The following ANO8 variants were observed in gnomAD, a reference collection of about 807,000 sequenced individuals.
ANO8 encodes the protein anoctamin 8.
ANO8 carries 67 observed loss-of-function variants against 120.4 expected under a neutral mutation model. The ratio of observed to expected loss-of-function variants is 0.56; its 90% confidence interval spans 0.46 to 0.68. The LOEUF (loss-of-function observed/expected upper bound fraction) is 0.68, where lower values mean the gene tolerates loss of function less well. Among genes scored for constraint, ANO8 ranks in the 30% least tolerant of loss-of-function variants. The probability of loss-of-function intolerance (pLI) is 0.00; values close to 1 mark genes in which losing one functional copy is unlikely to be tolerated. For synonymous variants in ANO8, 727 were observed against 759.2 expected, an observed-to-expected ratio of 0.96 and a Z score of 0.70; for missense variants, 1,526 against 1,737.6, an observed-to-expected ratio of 0.88 and a Z score of 2.16.
intron 12 of ANO8, chr19:17,329,286 T>G: frequency 2.7e-6 from 1 of 373,766 alleles, no homozygotes; most frequent in Non-Finnish European, 4.8e-6. Flanking sequence ...CTGCACCTGC[T>G]TGCTGGCCGC....
At position 17,325,047 on chromosome 19, in the gene ANO8, C is replaced by T. The variant is rs1433566828; in HGVS notation, c.3001G>A (p.Gly1001Arg). Residue 1001 changes from glycine to arginine, a missense_variant, in exon 17 of 18, where the codon GGG becomes AGG. Around this residue, in one of 8 missense-constraint regions of ANO8, gnomAD observed 489 missense variants for 548.6 expected, o/e 0.89. Transcript: ENST00000159087. ...SGATSSLAAA[G>R]AGATTRPPPA... The stretch of plus-strand genomic sequence containing the variant: ...GGAGGCCGGGTGGTGGCTCCGGCCC[C>T]TGCAGCAGCCAGTGAGGATGTGGCC... 6.2e-7 allele frequency: 1 copy of T among 1,613,068 alleles called. No individual in the cohort carries two copies. The highest frequency in any genetic ancestry group is 8.5e-7 in the Non-Finnish European group (1 of 1,179,888).
Position 17,327,468 on chromosome 19 carries a change from C to T in ANO8, c.2520G>A (p.Glu840=). ...LQRLFPWLSP[E]AAIVSVVVLE... is the part of the protein sequence containing the mutation. ...GCACTACCACCGACACGATGGCTGC[C>T]TCCGGGCTCAGCCAGGGGAAGAGGC... The change falls in exon 15 of 18, where the codon GAG becomes GAA. Residue 840 remains glutamate (E), a synonymous_variant. Coordinates refer to ENST00000159087, the MANE Select transcript of ANO8 (RefSeq NM_020959.3). 1.2e-6 allele frequency: 2 copies of T among 1,612,922 alleles called. No homozygotes were observed. Among genetic ancestry groups the T allele is most frequent in the Non-Finnish European group, 1.7e-6 (2 of 1,179,718 alleles).
At chr19:17,328,080 A>AC in intron 13 of ANO8, 82 bp downstream of exon 13, 6 of 1,401,130 alleles carry the variant, frequency 4.3e-6, no homozygotes, top group Non-Finnish European at 4.7e-6. Flanking sequence ...CACCACTCCC[A>AC]CCCCCACGGC....
chr19:17,329,673 G>T, intron 12 of ANO8, 84 bp downstream of exon 12: 1 of 1,034,612 alleles, frequency 9.7e-7, no homozygotes, highest in Non-Finnish European at 1.5e-6. Flanking sequence ...GGGCTGGAGA[G>T]CCCTTGGACC....
Position 17,331,431 on chromosome 19 carries a change from G to T in ANO8, c.587-20C>A. On this transcript the variant is annotated intron_variant, in intron 5 of 17. Coordinates refer to ENST00000159087, the MANE Select transcript of ANO8 (RefSeq NM_020959.3). Reference sequence around the variant, plus strand: ...CCGGGACTGTGGAGGGAGGAGCACAGGTGATCCCCGCCCCTCCACCTGTGC... The same window carrying T: ...CCGGGACTGTGGAGGGAGGAGCACATGTGATCCCCGCCCCTCCACCTGTGC... The T allele has an allele frequency of 1.2e-6, 2 of 1,606,276 alleles. No individual in the cohort carries two copies. Among genetic ancestry groups the T allele is most frequent in the Non-Finnish European group, 1.7e-6 (2 of 1,174,992 alleles).
rs1211788177 is a variant in ANO8 at position 17,330,369 on chromosome 19, CA to C, written c.1128del (p.Gly377AlafsTer10). The C allele has an allele frequency of 6.3e-7, 1 of 1,595,572 alleles. No individual in the cohort carries two copies. Among genetic ancestry groups the C allele is most frequent in the East Asian group, 2.3e-5 (1 of 44,104 alleles). The stretch of plus-strand genomic sequence containing the variant: ...GGGGTCACCTGCAGCTGGAAGCAGC[CA>C]AGCATGAGCAAGAAGACACAGACGA... ...ACLVCVFLLM[L>X]GCFQLQELVL... is the part of the protein sequence containing the mutation. On this transcript the variant is annotated frameshift_variant, in exon 9 of 18. Transcript: ENST00000159087. LOFTEE classifies it high-confidence loss of function.
At chr19:17,331,444 C>G in intron 5 of ANO8, 33 bp from the exon 6 acceptor site, 1 of 1,595,910 alleles carries the variant, frequency 6.3e-7, no homozygotes, top group Non-Finnish European at 8.6e-7. Flanking sequence ...GATCCCCGCC[C>G]CTCCACCTGT....
rs757084785 is a variant in ANO8, at chr19:17,330,968, C to G, written c.853G>C (p.Val285Leu). 1.9e-6 allele frequency: 3 copies of G among 1,614,198 alleles called. No homozygotes were observed. The highest frequency in any genetic ancestry group is 2.2e-5 in the East Asian group (1 of 44,868). Reference protein sequence around the residue: ...ADQTSRDVSCVVFALFNVIWS... With the variant: ...ADQTSRDVSCLVFALFNVIWS... The stretch of plus-strand genomic sequence containing the variant: ...ATCACGTTGAAGAGGGCAAAGACCA[C>G]GCAGGAAACATCCCGGCTTGTCTGT... Residue 285 changes from valine (V) to leucine (L), a missense_variant, in exon 8 of 18, where the codon GTG becomes CTG. Transcript: ENST00000159087.
chr19:17,325,553 G>A (rs888625176), intron 16 of ANO8, among the ~76,000 whole-genome samples, 167 bp from the exon 17 acceptor site: 2 of 152,252 alleles, frequency 1.3e-5, no homozygotes, highest in Non-Finnish European at 2.9e-5. Context: ...TGCAGAAGTG[G>A]GAGAGAGCCA....
chr19:17,332,512 C>T (rs965821174), intron 5 of ANO8, among the ~76,000 whole-genome samples: 5 of 152,180 alleles, frequency 3.3e-5, no homozygotes, highest in African/African-American at 1.2e-4. Flanking sequence ...GGGAATCCAA[C>T]GCCCAGAGCC....
chr19:17,323,375 T>G lies in ANO8; in HGVS notation c.*142A>C. ...GTTGGATTTGTGGGTTTCCTTTCGT[T>G]TGGAAAGGAAAACGGCAGATGGGGG... On this transcript the variant is annotated 3_prime_UTR_variant, in exon 18 of 18. Transcript: ENST00000159087. 1.5e-6 allele frequency: 1 copy of G among 677,938 alleles called. No individual in the cohort carries two copies. Among genetic ancestry groups the G allele is most frequent in the Admixed American group, 3.5e-5 (1 of 28,560 alleles). The allele number at this position is 677,938 out of a possible 1,614,324, so 42.0% of individuals were successfully genotyped here. A position where few individuals can be genotyped will look rare whatever the true frequency, so the allele number is the denominator to read the frequency against.
chr19:17,323,382 G>C lies in ANO8; in HGVS notation c.*135C>G. ...TTGTGGGTTTCCTTTCGTTTGGAAA[G>C]GAAAACGGCAGATGGGGGGCACCGA... On this transcript the variant is annotated 3_prime_UTR_variant, in exon 18 of 18. Transcript: ENST00000159087. 2 of 774,694 alleles carry C rather than the reference G, an allele frequency of 2.6e-6. No individual in the cohort carries two copies. The highest frequency in any genetic ancestry group is 5.0e-5 in the South Asian group (1 of 19,944). 48.0% of individuals were successfully genotyped at this position (774,694 alleles called of 1,614,324 possible).
At position 17,333,667 on chromosome 19, in the gene ANO8, G is replaced by T; in HGVS notation, c.217+23C>A. 1 of 840,580 alleles carries T rather than the reference G, an allele frequency of 1.2e-6. No individual in the cohort carries two copies. Among genetic ancestry groups the T allele is most frequent in the Non-Finnish European group, 1.8e-6 (1 of 569,342 alleles). 52.1% of individuals were successfully genotyped at this position (840,580 alleles called of 1,614,324 possible). A position where few individuals can be genotyped will look rare whatever the true frequency, so the allele number is the denominator to read the frequency against. On this transcript the variant is annotated intron_variant, in intron 2 of 17. Coordinates refer to ENST00000159087, the MANE Select transcript of ANO8 (RefSeq NM_020959.3). The surrounding 1 kb of genome is among the most constrained non-coding windows in gnomAD (Gnocchi z 7.2). ...GAGAGCCGCATCTGGGCACTGGGCG[G>T]GCGGGCGGGCGGGCTTGGGTACCTG... is the stretch of plus-strand genomic sequence containing the variant.
At position 17,334,455 on chromosome 19, in the gene ANO8, G is replaced by C. The variant is rs1295546142; in HGVS notation, c.106+110C>G. The C allele has an allele frequency of 3.9e-6, 4 of 1,026,646 alleles. No individual in the cohort carries two copies. The South Asian group carries it at 4.4e-5, about 11-fold the overall frequency. 63.6% of individuals were successfully genotyped at this position (1,026,646 alleles called of 1,614,324 possible). On this transcript the variant is annotated intron_variant, in intron 1 of 17. Coordinates refer to ENST00000159087, the MANE Select transcript of ANO8 (RefSeq NM_020959.3). ...CAGTGCCGGGAGGAGCCGGCCCCTC[G>C]TCCAGACACCACGCCAGGTTACGTT...
chr19:17,329,725 A>AG (rs749489985), intron 12 of ANO8, 32 bp downstream of exon 12: 3 of 1,588,916 alleles, frequency 1.9e-6, no homozygotes, highest in South Asian at 1.1e-5. Flanking sequence ...CCATGGGGGC[A>AG]GGGGGGACTG....
At chr19:17,331,473 C>T in intron 5 of ANO8, 62 bp from the exon 6 acceptor site, 1 of 1,508,346 alleles carries the variant, frequency 6.6e-7, no homozygotes, top group East Asian at 2.3e-5. Context: ...TGGCTAGCCC[C>T]TCTTTGTCTG....
rs150081738 is a variant in ANO8, at chr19:17,332,967, T to C, written c.549A>G (p.Ala183=). The change falls in exon 5 of 18, where the codon GCA becomes GCG. Residue 183 remains alanine (A), a synonymous_variant. Transcript: ENST00000159087. ...LQNLRAKQGE[A]LHNVRFLEDQ... ...CCTCCAGGAAGCGCACGTTGTGGAG[T>C]GCTTCTCCCTGCTTGGCACGCAAAT... The C allele has an allele frequency of 6.2e-6, 10 of 1,614,022 alleles. No homozygotes were observed. The highest frequency in any genetic ancestry group is 5.5e-5 in the South Asian group (5 of 91,094).
At chr19:17,324,623 C>A in intron 17 of ANO8, 94 bp downstream of exon 17, 1 of 1,495,208 alleles carries the variant, frequency 6.7e-7, no homozygotes, top group South Asian at 1.4e-5. Context: ...CCGGGCTTCC[C>A]CTGTCCCCTT....
In ANO8 at chr19:17,324,751, C is replaced by G. The variant is rs745666159; in HGVS notation, c.3297G>C (p.Glu1099Asp). ...CCTCTTCGGGCCGGGGGGCTTCCAGCTCCTCAGCCAGGGCCTCGTCCACCG... is the reference window on the plus strand; with the variant it reads ...CCTCTTCGGGCCGGGGGGCTTCCAGGTCCTCAGCCAGGGCCTCGTCCACCG... ...SGPVDEALAE[E>D]LEAPRPEEEG... The change falls in exon 17 of 18, where the codon GAG becomes GAC. Residue 1099 changes from glutamate (E) to aspartate (D), a missense_variant. Glu to Asp is a conservative substitution (Grantham distance 45). Coordinates refer to ENST00000159087, the MANE Select transcript of ANO8 (RefSeq NM_020959.3). 1 of 1,532,648 alleles carries G rather than the reference C, an allele frequency of 6.5e-7. No homozygotes were observed. Among genetic ancestry groups the G allele is most frequent in the Non-Finnish European group, 8.7e-7 (1 of 1,142,940 alleles). The allele number at this position is 1,532,648 out of a possible 1,614,324, so 94.9% of individuals were successfully genotyped here.
Sources: allele counts gnomAD v4.1 joint callset (sites outside exome capture counted in the v4.1 genomes callset), GRCh38; gene constraint gnomAD v4.1.1; regional missense constraint gnomAD v4.1.1; non-coding constraint Gnocchi (gnomAD v3.1); transcripts MANE v1.5; gene names NCBI Gene and HGNC (gene_info 2026-07-23, HGNC 2026-07-21).